Variants in ENTPD7 observed in about 807,000 individuals in gnomAD.
ENTPD7 encodes ectonucleoside triphosphate diphosphohydrolase 7.
In ENTPD7, 53 loss-of-function variants were observed where a neutral mutation model predicts 77.9. The observed-to-expected ratio is 0.68, with a 90% CI of 0.55 to 0.85. The LOEUF is 0.85. ENTPD7 is among the 40% of genes least tolerant of loss of function. ENTPD7 has a pLI of 0.00. For missense variants in ENTPD7, 636 were observed against 743.7 expected (o/e 0.86, Z 1.68); for synonymous variants, 248 against 274.9 (o/e 0.90, Z 0.97).
rs894963385 is a variant in ENTPD7, at chr10:99,704,587, C to T, written c.1719C>T (p.Arg573=). 1 of 1,614,066 alleles carries T rather than the reference C, an allele frequency of 6.2e-7. No homozygotes were observed. The highest frequency in any genetic ancestry group is 8.5e-7 in the Non-Finnish European group (1 of 1,180,044). Residue 573 remains arginine, a synonymous_variant, in exon 13 of 13, where the codon CGC becomes CGT. Transcript: ENST00000370489. ...LAIFLYLLRL[R]RIHHRQTRAS... is the part of the protein sequence containing the mutation. ...TCTTCCTATACCTTCTGCGGCTACGCCGAATTCACCACCGACAAACACGAG... is the reference window on the plus strand; with the variant it reads ...TCTTCCTATACCTTCTGCGGCTACGTCGAATTCACCACCGACAAACACGAG...
At chr10:99,692,188 C>G (rs2035893207) in intron 8 of ENTPD7, among the ~76,000 whole-genome samples, 1 of 152,238 alleles carries the variant, frequency 6.6e-6, no homozygotes, top group East Asian at 1.9e-4. Flanking sequence ...CAGTGCTTAA[C>G]TTGATCTAAA....
At chr10:99,684,260 C>T (rs1190804281) in intron 5 of ENTPD7, among the ~76,000 whole-genome samples, 1 of 152,158 alleles carries the variant, frequency 6.6e-6, no homozygotes, top group Admixed American at 6.5e-5. Flanking sequence ...CCATATTGGC[C>T]AGACTGGTCT....
chr10:99,704,625 T>A lies in ENTPD7; in HGVS notation c.1757T>A (p.Leu586Ter). 1 of 1,614,122 alleles carries A rather than the reference T, an allele frequency of 6.2e-7. No individual in the cohort carries two copies. The highest frequency in any genetic ancestry group is 1.1e-5 in the South Asian group (1 of 91,076). The part of the protein sequence containing the change: ...HHRQTRASAP[L>*]DLLWLEEVVP... Reference sequence around the variant, plus strand: ...CGACAAACACGAGCCTCAGCTCCATTGGACTTGCTGTGGCTTGAAGAGGTG... The same window carrying A: ...CGACAAACACGAGCCTCAGCTCCATAGGACTTGCTGTGGCTTGAAGAGGTG... The change falls in exon 13 of 13, where the codon TTG becomes TAG. Residue 586 changes from leucine to a stop codon, truncating the protein, a stop_gained. Coordinates refer to ENST00000370489, the MANE Select transcript of ENTPD7 (RefSeq NM_020354.5). LOFTEE classifies it high-confidence loss of function.
rs1362283649 is a variant in ENTPD7 at position 99,708,845 on chromosome 10, A to G, written c.*4162A>G. 4.1e-6 allele frequency: 4 copies of G among 985,338 alleles called. No homozygotes were observed. The African/African-American group carries it at 7.0e-5, about 17-fold the overall frequency. The allele number at this position is 985,338 out of a possible 1,614,324, so 61.0% of individuals were successfully genotyped here. ...CTAGCCCAACTACTTTGTCAGCTAC[A>G]ATGAAATGCTCATTAACAGAATCTT... On this transcript the variant is annotated 3_prime_UTR_variant, in exon 13 of 13. Coordinates refer to ENST00000370489, the MANE Select transcript of ENTPD7 (RefSeq NM_020354.5).
At position 99,710,545 on chromosome 10, in the gene ENTPD7, G is replaced by A; in HGVS notation, c.*5862G>A. 1 of 985,278 alleles carries A rather than the reference G, an allele frequency of 1.0e-6. No homozygotes were observed. Among genetic ancestry groups the A allele is most frequent in the Non-Finnish European group, 1.2e-6 (1 of 829,896 alleles). 61.0% of individuals were successfully genotyped at this position (985,278 alleles called of 1,614,324 possible). On this transcript the variant is annotated 3_prime_UTR_variant, in exon 13 of 13. Coordinates refer to ENST00000370489, the MANE Select transcript of ENTPD7 (RefSeq NM_020354.5). ...CTGCTTCACATTAAACAATAATTTTGTTGAATTTTGAATTCTTAAAATTCT... is the reference window on the plus strand; with the variant it reads ...CTGCTTCACATTAAACAATAATTTTATTGAATTTTGAATTCTTAAAATTCT...
chr10:99,699,222 C>T (rs1293581473), intron 10 of ENTPD7, among the ~76,000 whole-genome samples: 1 of 152,086 alleles, frequency 6.6e-6, no homozygotes, highest in Admixed American at 6.5e-5. Context: ...TAGCTATTTT[C>T]TGTTGTAATG....
Position 99,710,340 on chromosome 10 carries a change from T to G in ENTPD7, c.*5657T>G. ...TGTATTTGAAATTCTCATTCCACAA[T>G]TACCCTTTAGTTGAAGTCCTGAAGT... On this transcript the variant is annotated 3_prime_UTR_variant, in exon 13 of 13. Transcript: ENST00000370489. 1 of 985,436 alleles carries G rather than the reference T, an allele frequency of 1.0e-6. No homozygotes were observed. The highest frequency in any genetic ancestry group is 1.2e-6 in the Non-Finnish European group (1 of 829,930). 61.0% of individuals were successfully genotyped at this position (985,436 alleles called of 1,614,324 possible).
Position 99,659,880 on chromosome 10 carries a change from G to C in ENTPD7, c.-77G>C. The C allele has an allele frequency of 6.2e-7, 1 of 1,604,614 alleles. No homozygotes were observed. Among genetic ancestry groups the C allele is most frequent in the Non-Finnish European group, 8.5e-7 (1 of 1,172,308 alleles). On this transcript the variant is annotated 5_prime_UTR_variant, in exon 2 of 13. An upstream start codon of the reference 5' UTR is lost. Coordinates refer to ENST00000370489, the MANE Select transcript of ENTPD7 (RefSeq NM_020354.5). This position sits in a 1 kb window ranked among gnomAD's most constrained non-coding sequence, Gnocchi z 4.1. ...TTTCTAGGCTGCAGACGTAGGAGAT[G>C]CCTGGGACAAGGAGGCCACCTTCTC...
At chr10:99,680,004 C>A in intron 5 of ENTPD7, 129 bp downstream of exon 5, 1 of 1,127,914 alleles carries the variant, frequency 8.9e-7, no homozygotes, top group Non-Finnish European at 1.2e-6. Flanking sequence ...TCATTCATTC[C>A]CAACTTCTTG....
chr10:99,701,076 C>T lies in ENTPD7; in HGVS notation c.1421+18C>T, dbSNP rs2036112829. 6.3e-7 allele frequency: 1 copy of T among 1,598,494 alleles called. No individual in the cohort carries two copies. The stretch of plus-strand genomic sequence containing the variant: ...CGACTCAAGTAAGTTACTTCCCTTT[C>T]CTCCTTAGATGTGGACTTAAAATCT... On this transcript the variant is annotated intron_variant, in intron 11 of 12. Transcript: ENST00000370489.
At chr10:99,684,536 A>G (rs182143473) in intron 5 of ENTPD7, among the ~76,000 whole-genome samples, 1 of 152,220 alleles carries the variant, frequency 6.6e-6, no homozygotes, top group Non-Finnish European at 1.5e-5. Context: ...ATAACAATGA[A>G]CTTTTTTTAA....
intron 3 of ENTPD7, among the ~76,000 whole-genome samples, chr10:99,669,896 C>T (rs1359127908): frequency 6.6e-6 from 1 of 151,714 alleles, no homozygotes; most frequent in Non-Finnish European, 1.5e-5. Flanking sequence ...ACTACAGGCA[C>T]CCGCCACCAG....
chr10:99,679,894 G>T lies in ENTPD7; in HGVS notation c.548+19G>T. On this transcript the variant is annotated intron_variant, in intron 5 of 12. Transcript: ENST00000370489. Reference sequence around the variant, plus strand: ...CTGAGAGGTGAGATGCAGGGTACAGGAAACACAGGAAAACGGTGGCACAAG... The same window carrying T: ...CTGAGAGGTGAGATGCAGGGTACAGTAAACACAGGAAAACGGTGGCACAAG... 3.1e-6 allele frequency: 5 copies of T among 1,598,414 alleles called. No homozygotes were observed. In the South Asian group the frequency reaches 5.6e-5, roughly 18 times the overall value.
chr10:99,686,399 A>G (rs1325038303), intron 6 of ENTPD7, among the ~76,000 whole-genome samples: 4 of 152,156 alleles, frequency 2.6e-5, no homozygotes, highest in Non-Finnish European at 5.9e-5. Context: ...TTTAGAGTGA[A>G]TATGTGTTCT....
chr10:99,667,272 C>G (rs1358822877), intron 3 of ENTPD7, among the ~76,000 whole-genome samples: 1 of 152,176 alleles, frequency 6.6e-6, no homozygotes, highest in Admixed American at 6.5e-5. Context: ...AGGGCAGCCT[C>G]CATGAGTCAT....
intron 12 of ENTPD7, among the ~76,000 whole-genome samples, chr10:99,703,632 T>C (rs1207213114): frequency 6.6e-6 from 1 of 152,224 alleles, no homozygotes. Context: ...TCATATCGCC[T>C]TATTTTTATC....
intron 6 of ENTPD7, 70 bp from the exon 7 acceptor site, chr10:99,688,624 C>T (rs2035842672): frequency 8.4e-6 from 12 of 1,421,780 alleles, no homozygotes; most frequent in Non-Finnish European, 1.1e-5. Flanking sequence ...AAAGAGAAGC[C>T]CTAAGGGAGA....
rs572830338 is a variant in ENTPD7, at chr10:99,684,836, A to C, written c.549-956A>C. 1.6e-3 allele frequency among the ~76,000 whole-genome samples: 247 copies of C among 152,310 alleles called. 1 individual carries two copies. The highest frequency in any genetic ancestry group is 4.9e-3 in the African/African-American group (205 of 41,576). ...GACAACCCTATAGATACAAAGTTTC[A>C]AGTGTTTTCCCCAAATTGGAAATGT... On this transcript the variant is annotated intron_variant, in intron 5 of 12. Transcript: ENST00000370489.
rs776683834 is a variant in ENTPD7, at chr10:99,704,680, G to T, written c.1812G>T (p.Pro604=). Residue 604 remains proline, a synonymous_variant, in exon 13 of 13, where the codon CCG becomes CCT. Coordinates refer to ENST00000370489, the MANE Select transcript of ENTPD7 (RefSeq NM_020354.5). The part of the protein sequence containing the change: ...VVPMMGVQVG[P] Reference sequence around the variant, plus strand: ...CCATGATGGGAGTACAGGTGGGGCCGTGAGGCTGGACCAGGACTAGAGAAG... The same window carrying T: ...CCATGATGGGAGTACAGGTGGGGCCTTGAGGCTGGACCAGGACTAGAGAAG... 3 of 1,612,382 alleles carry T rather than the reference G, an allele frequency of 1.9e-6. No homozygotes were observed. The highest frequency in any genetic ancestry group is 2.5e-6 in the Non-Finnish European group (3 of 1,179,208).
Sources: allele counts gnomAD v4.1 joint callset (sites outside exome capture counted in the v4.1 genomes callset), GRCh38; gene constraint gnomAD v4.1.1; non-coding constraint Gnocchi (gnomAD v3.1); transcripts MANE v1.5; gene names NCBI Gene and HGNC (gene_info 2026-07-23, HGNC 2026-07-21).